The following LRCH1 variants were observed in gnomAD, a reference collection of about 807,000 sequenced individuals.
The protein encoded by LRCH1 is leucine rich repeats and calponin homology domain containing 1.
A neutral mutation model predicts 94.9 loss-of-function variants in LRCH1; 23 were observed. That is an observed-to-expected ratio of 0.24 (90% CI 0.17 to 0.34). The LOEUF (loss-of-function observed/expected upper bound fraction) is 0.34, where lower values mean the gene tolerates loss of function less well. Among genes scored for constraint, LRCH1 ranks in the 10% least tolerant of loss-of-function variants. LRCH1 has a pLI of 1.00. For missense variants in LRCH1, 790 were observed against 945.9 expected, an observed-to-expected ratio of 0.84 and a Z score of 2.16; for synonymous variants, 364 against 354.9, an observed-to-expected ratio of 1.03 and a Z score of -0.29.
downstream of LRCH1, among the ~76,000 whole-genome samples, chr13:46,747,932 G>T (rs1040313829): frequency 1.3e-5 from 2 of 151,980 alleles, no homozygotes; most frequent in Non-Finnish European, 2.9e-5. Flanking sequence ...GGAGAAATGG[G>T]GGTCTCACTA....
intron 2 of LRCH1, among the ~76,000 whole-genome samples, chr13:46,653,236 T>C (rs1169507737): frequency 2.0e-5 from 3 of 152,242 alleles, no homozygotes; most frequent in Admixed American, 1.3e-4. Context: ...GCATCTGTTT[T>C]CTCCCACTTA....
At chr13:46,669,182 C>G in intron 3 of LRCH1, 26 bp downstream of exon 3, 1 of 1,610,624 alleles carries the variant, frequency 6.2e-7, no homozygotes, top group Non-Finnish European at 8.5e-7. Flanking sequence ...TTAAGATGCT[C>G]TTTTTTGTTG....
chr13:46,620,613 A>G (rs1251892176), intron 1 of LRCH1, among the ~76,000 whole-genome samples: 1 of 152,144 alleles, frequency 6.6e-6, no homozygotes, highest in Non-Finnish European at 1.5e-5. Flanking sequence ...GCAGTGGTGA[A>G]GGGCCCTGGC....
intron 1 of LRCH1, among the ~76,000 whole-genome samples, chr13:46,590,238 TA>T (rs2050484219): frequency 6.6e-6 from 1 of 152,176 alleles, no homozygotes. Flanking sequence ...TTCCTTATTT[TA>T]AAAGACATGA....
At chr13:46,629,427 C>A (rs1249532064) in intron 1 of LRCH1, among the ~76,000 whole-genome samples, 2 of 152,150 alleles carry the variant, frequency 1.3e-5, no homozygotes, top group African/African-American at 4.8e-5. Context: ...CAATGAATAC[C>A]TCTAATTGCA....
At chr13:46,614,800 A>G (rs1021321999) in intron 1 of LRCH1, among the ~76,000 whole-genome samples, 4 of 152,206 alleles carry the variant, frequency 2.6e-5, no homozygotes, top group East Asian at 1.9e-4. Context: ...GACTTACTCT[A>G]TTGTATATCA....
At position 46,711,844 on chromosome 13, in the gene LRCH1, G is replaced by T. The variant is rs369277713; in HGVS notation, c.1581G>T (p.Glu527Asp). 1.1e-4 allele frequency: 176 copies of T among 1,612,034 alleles called. No homozygotes were observed. In the Middle Eastern group the frequency reaches 1.5e-3, roughly 14 times the overall value. The change falls in exon 14 of 20, where the codon GAG becomes GAT. Residue 527 changes from glutamate to aspartate, a missense_variant and splice_region_variant. This residue lies in a region of LRCH1 where 460 missense variants were observed against 508.9 expected (regional missense o/e 0.90). Coordinates refer to ENST00000389797, the MANE Select transcript of LRCH1 (RefSeq NM_001164211.2). ...QSNGSQYSPNEIRENSPAVSP... is the reference protein window; with the variant it reads ...QSNGSQYSPNDIRENSPAVSP... ...ACGGGAGCCAGTATTCTCCAAATGA[G>T]GTAAGTTTCTTGAAGATTAATGGAA...
At chr13:46,653,094 C>T (rs2051327157) in intron 2 of LRCH1, among the ~76,000 whole-genome samples, 1 of 152,048 alleles carries the variant, frequency 6.6e-6, no homozygotes, top group African/African-American at 2.4e-5. Context: ...TGAAGAGGAC[C>T]ATGTGGTACG....
chr13:46,655,529 A>G (rs1263982397), intron 2 of LRCH1, among the ~76,000 whole-genome samples: 1 of 152,246 alleles, frequency 6.6e-6, no homozygotes, highest in Admixed American at 6.5e-5. Context: ...GTCTTAATCC[A>G]AGACATGTGG....
intron 16 of LRCH1, among the ~76,000 whole-genome samples, chr13:46,720,177 A>C (rs553124354): frequency 6.6e-6 from 1 of 152,066 alleles, no homozygotes; most frequent in African/African-American, 2.4e-5. Flanking sequence ...ACTTGAGTCC[A>C]GAAGTTCCAG....
At chr13:46,646,177 T>C (rs1040509219) in intron 1 of LRCH1, among the ~76,000 whole-genome samples, 2 of 152,248 alleles carry the variant, frequency 1.3e-5, no homozygotes, top group African/African-American at 4.8e-5. Flanking sequence ...ATGAGGAACT[T>C]CACAGTTTGC....
Position 46,743,881 on chromosome 13 carries a change from A to G in LRCH1, c.*2033A>G, listed in dbSNP as rs745649165. On this transcript the variant is annotated 3_prime_UTR_variant, in exon 20 of 20. Coordinates refer to ENST00000389797, the MANE Select transcript of LRCH1 (RefSeq NM_001164211.2). ...TAAAGACAAATTAAAAGACATTTAT[A>G]TTTTAATTCTGGCATCCAAAGTATT... is the stretch of plus-strand genomic sequence containing the variant. The G allele has an allele frequency of 3.0e-6, 3 of 984,494 alleles. No individual in the cohort carries two copies. Among genetic ancestry groups the G allele is most frequent in the Non-Finnish European group, 3.6e-6 (3 of 829,042 alleles). The allele number at this position is 984,494 out of a possible 1,614,324, so 61.0% of individuals were successfully genotyped here.
intron 2 of LRCH1, among the ~76,000 whole-genome samples, chr13:46,662,750 G>A (rs1055422876): frequency 6.6e-5 from 10 of 152,176 alleles, no homozygotes; most frequent in Admixed American, 5.9e-4. Context: ...TTATACTCAC[G>A]AGGAGATAGG....
At chr13:46,741,580 C>T in intron 19 of LRCH1, 62 bp from the exon 20 acceptor site, 1 of 1,601,772 alleles carries the variant, frequency 6.2e-7, no homozygotes, top group Non-Finnish European at 8.5e-7. Flanking sequence ...CTAGCTGTTC[C>T]TCCGTGTATT....
At chr13:46,626,129 T>A (rs1435443662) in intron 1 of LRCH1, among the ~76,000 whole-genome samples, 1 of 152,352 alleles carries the variant, frequency 6.6e-6, no homozygotes, top group South Asian at 2.1e-4. Context: ...GGAATCTTGG[T>A]AATGACATAT....
intron 1 of LRCH1, among the ~76,000 whole-genome samples, chr13:46,621,775 TC>T (rs1425132002): frequency 6.6e-6 from 1 of 152,232 alleles, no homozygotes; most frequent in Admixed American, 6.5e-5. Context: ...TTCATTGTAA[TC>T]AGTAAAAATA....
intron 16 of LRCH1, among the ~76,000 whole-genome samples, chr13:46,720,755 A>ACT (rs1350262130): frequency 6.6e-6 from 1 of 152,228 alleles, no homozygotes; most frequent in Non-Finnish European, 1.5e-5. Context: ...AATCAGAGGT[A>ACT]CTTTAATGGT....
chr13:46,570,291 G>A (rs965358386), intron 1 of LRCH1, among the ~76,000 whole-genome samples: 1 of 152,194 alleles, frequency 6.6e-6, no homozygotes, highest in African/African-American at 2.4e-5. Flanking sequence ...GCCTTGAGGA[G>A]AGTAGAAAAG....
At chr13:46,615,754 C>T (rs2050800596) in intron 1 of LRCH1, among the ~76,000 whole-genome samples, 1 of 152,130 alleles carries the variant, frequency 6.6e-6, no homozygotes, top group African/African-American at 2.4e-5. Flanking sequence ...TATTATCTCC[C>T]CATATTTCTG....
Sources: allele counts gnomAD v4.1 joint callset (sites outside exome capture counted in the v4.1 genomes callset), GRCh38; gene constraint gnomAD v4.1.1; regional missense constraint gnomAD v4.1.1; transcripts MANE v1.5; gene names NCBI Gene and HGNC (gene_info 2026-07-23, HGNC 2026-07-21).